The following SOX6 variants were observed in gnomAD, a reference collection of about 807,000 sequenced individuals.
The protein encoded by SOX6 is SRY-box transcription factor 6.
SOX6 carries 11 observed loss-of-function variants against 97.8 expected under a neutral mutation model. That is an observed-to-expected ratio of 0.11 (90% CI 0.07 to 0.19). The LOEUF (loss-of-function observed/expected upper bound fraction) is 0.19, where lower values mean the gene tolerates loss of function less well. Among genes scored for constraint, SOX6 ranks in the 10% least tolerant of loss-of-function variants. The pLI is 1.00. For synonymous variants in SOX6, 360 were observed against 371.4 expected, an observed-to-expected ratio of 0.97 and a Z score of 0.35; for missense variants, 810 against 1,039.5, an observed-to-expected ratio of 0.78 and a Z score of 3.04.
chr11:16,464,428 T>A (rs1427993199), intron 1 of SOX6, among the ~76,000 whole-genome samples: 1 of 148,110 alleles, frequency 6.8e-6, no homozygotes, highest in Non-Finnish European at 1.5e-5. Flanking sequence ...GCATACAGAC[T>A]AATTAGAAAC....
At chr11:16,660,283 T>C (rs1208971574) in intron 3 of SOX6, among the ~76,000 whole-genome samples, 1 of 152,220 alleles carries the variant, frequency 6.6e-6, no homozygotes, top group African/African-American at 2.4e-5. Context: ...CCACAAATTT[T>C]GATAAGTTGC....
At chr11:16,639,772 T>C (rs1370147994) in intron 3 of SOX6, among the ~76,000 whole-genome samples, 1 of 152,202 alleles carries the variant, frequency 6.6e-6, no homozygotes, top group African/African-American at 2.4e-5. Flanking sequence ...ATCCTGAGAC[T>C]TTGCTGAAGT....
intron 4 of SOX6, among the ~76,000 whole-genome samples, chr11:16,604,351 G>A (rs1028357992): frequency 2.6e-5 from 4 of 152,206 alleles, no homozygotes; most frequent in African/African-American, 9.6e-5. Context: ...AACTGGGCGG[G>A]GCTGTGTCTG....
chr11:16,055,170 G>A (rs1176840968), intron 10 of SOX6, among the ~76,000 whole-genome samples: 1 of 151,922 alleles, frequency 6.6e-6, no homozygotes, highest in Non-Finnish European at 1.5e-5. Context: ...TCATATTTAT[G>A]ATTTTATTTA....
At chr11:16,603,602 A>AT (rs1848297084) in intron 4 of SOX6, among the ~76,000 whole-genome samples, 1 of 152,124 alleles carries the variant, frequency 6.6e-6, no homozygotes, top group Non-Finnish European at 1.5e-5. Flanking sequence ...AAGCCAGGAC[A>AT]TACAATGCCA....
intron 3 of SOX6, among the ~76,000 whole-genome samples, chr11:16,705,583 T>C (rs1848125818): frequency 6.6e-6 from 1 of 152,008 alleles, no homozygotes. Context: ...GCTATGATAG[T>C]GCCACTGCAC....
chr11:16,725,118 T>C (rs1272160982), intron 2 of SOX6, among the ~76,000 whole-genome samples: 2 of 152,234 alleles, frequency 1.3e-5, no homozygotes, highest in Non-Finnish European at 2.9e-5. Context: ...CCCAAATGCC[T>C]ATAACTGATG....
chr11:16,262,965 CT>C (rs1853948144), intron 3 of SOX6, among the ~76,000 whole-genome samples: 1 of 151,904 alleles, frequency 6.6e-6, no homozygotes, highest in Non-Finnish European at 1.5e-5. Flanking sequence ...AATATCTACT[CT>C]ATTCTCAAAC....
intron 6 of SOX6, among the ~76,000 whole-genome samples, chr11:16,134,061 T>G (rs1179117795): frequency 6.6e-6 from 1 of 152,244 alleles, no homozygotes. Context: ...GCTACACTGA[T>G]ATAGTATTGG....
intron 4 of SOX6, among the ~76,000 whole-genome samples, chr11:16,495,653 C>A (rs1860582627): frequency 6.6e-6 from 1 of 152,182 alleles, no homozygotes; most frequent in African/African-American, 2.4e-5. Flanking sequence ...AAAGGTTGTT[C>A]CCCCACTGCT....
At chr11:15,979,703 T>C (rs1037635399) in intron 15 of SOX6, among the ~76,000 whole-genome samples, 9 of 152,104 alleles carry the variant, frequency 5.9e-5, no homozygotes, top group Admixed American at 5.9e-4. Context: ...ACCTTTACAG[T>C]TGCTGTTCTC....
chr11:16,554,236 G>A (rs1230446514), intron 4 of SOX6, among the ~76,000 whole-genome samples: 1 of 151,936 alleles, frequency 6.6e-6, no homozygotes, highest in Non-Finnish European at 1.5e-5. Flanking sequence ...TTGATAACAG[G>A]TTTCTCAAAG....
At chr11:16,023,146 G>A (rs1269902127) in intron 12 of SOX6, 1 of 152,128 alleles carries the variant, frequency 6.6e-6, no homozygotes, top group Non-Finnish European at 1.5e-5. Context: ...GCCCTGGGAA[G>A]AATCTATCAT....
chr11:16,049,994 T>A, intron 10 of SOX6, 56 bp from the exon 11 acceptor site: 1 of 1,580,880 alleles, frequency 6.3e-7, no homozygotes, highest in Non-Finnish European at 8.7e-7. Context: ...AAGCACATTA[T>A]CACTTAGTAA....
intron 12 of SOX6, among the ~76,000 whole-genome samples, chr11:16,033,463 CATTCCTGAT>C (rs1235951802): frequency 1.3e-5 from 2 of 152,298 alleles, no homozygotes; most frequent in East Asian, 3.9e-4. Context: ...TTCTTTATTT[CATTCCTGAT>C]GTTTGCCTAG....
At chr11:16,365,775 TC>T (rs1429540706) in intron 1 of SOX6, among the ~76,000 whole-genome samples, 1 of 152,296 alleles carries the variant, frequency 6.6e-6, no homozygotes, top group East Asian at 1.9e-4. Flanking sequence ...CATGTTGACA[TC>T]CTGTTGACGA....
chr11:16,247,649 G>T (rs1271003618), intron 3 of SOX6, among the ~76,000 whole-genome samples: 2 of 152,090 alleles, frequency 1.3e-5, no homozygotes, highest in Non-Finnish European at 2.9e-5. Context: ...AGAACTTACT[G>T]TCACAAGAAT....
intron 2 of SOX6, among the ~76,000 whole-genome samples, chr11:16,721,361 A>G (rs1365712370): frequency 2.0e-5 from 3 of 152,206 alleles, no homozygotes; most frequent in Non-Finnish European, 4.4e-5. Flanking sequence ...GTACAAGATC[A>G]TGGGACATGG....
At chr11:16,642,192 C>G (rs1848927596) in intron 3 of SOX6, among the ~76,000 whole-genome samples, 1 of 152,118 alleles carries the variant, frequency 6.6e-6, no homozygotes, top group African/African-American at 2.4e-5. Context: ...ATATGAAATT[C>G]TGGGTTGAAA....
Sources: gnomAD v4.1 joint callset for allele counts (sites outside exome capture counted in the v4.1 genomes callset) on GRCh38, gnomAD v4.1.1 for gene constraint, MANE v1.5 for transcripts, NCBI Gene and HGNC (gene_info 2026-07-23, HGNC 2026-07-21) for gene names.